ERLIN2: variants seen among roughly 807,000 people sequenced by gnomAD.
The protein encoded by ERLIN2 is ER lipid raft associated 2, also known as erlin-2.
In ERLIN2, 22 loss-of-function variants were observed where a neutral mutation model predicts 41.5. The ratio of observed to expected loss-of-function variants is 0.53; its 90% CI spans 0.38 to 0.76. The LOEUF is 0.76. Among genes scored for constraint, ERLIN2 ranks in the 30% least tolerant of loss-of-function variants. The pLI is 0.00. For missense variants in ERLIN2, 247 were observed against 414.3 expected (o/e 0.60, Z 3.51); for synonymous variants, 149 against 150.9 (o/e 0.99, Z 0.09).
intron 2 of ERLIN2, among the ~76,000 whole-genome samples, chr8:37,738,518 C>T (rs997918146): frequency 2.6e-5 from 4 of 152,186 alleles, no homozygotes; most frequent in African/African-American, 9.7e-5. Context: ...TTGGGATGCT[C>T]TTTTAAAATT....
At chr8:37,738,703 T>C (rs927323771) in intron 2 of ERLIN2, among the ~76,000 whole-genome samples, 3 of 152,080 alleles carry the variant, frequency 2.0e-5, no homozygotes, top group Admixed American at 6.6e-5. Flanking sequence ...CTGAGCAACA[T>C]AGTGAGAGCC....
rs187766017 is a variant in ERLIN2 at position 37,750,495 on chromosome 8, G to A, written c.649+9G>A. ...GAAGAAGGCGCTCATTGGTCTGAAT[G>A]TGGTTCTGTGATCCCCCTTTCCAGG... On this transcript the variant is annotated intron_variant, in intron 9 of 11. Coordinates refer to ENST00000519638, the MANE Select transcript of ERLIN2 (RefSeq NM_007175.8). The A allele has an allele frequency of 5.5e-4, 885 of 1,607,454 alleles. 8 individuals are homozygous for A. Among genetic ancestry groups the A allele is most frequent in the South Asian group, 3.6e-4 (33 of 90,926 alleles).
At position 37,756,669 on chromosome 8, in the gene ERLIN2, CAACT is replaced by C. The variant is rs1803365532; in HGVS notation, c.*2558_*2561del. 6.6e-6 allele frequency: 1 copy of C among 152,586 alleles called. No individual in the cohort carries two copies. The highest frequency in any genetic ancestry group is 1.5e-5 in the Non-Finnish European group (1 of 68,026). The allele number at this position is 152,586 out of a possible 1,614,324, so 9.5% of individuals were successfully genotyped here. On this transcript the variant is annotated 3_prime_UTR_variant, in exon 12 of 12. Coordinates refer to ENST00000519638, the MANE Select transcript of ERLIN2 (RefSeq NM_007175.8). ...AATCAGCTGTTTTATTTGCATAGGA[CAACT>C]AACCTGTCTGTGTAACTTTGTTTTT...
chr8:37,744,296 G>C, intron 4 of ERLIN2, 59 bp from the exon 5 acceptor site: 3 of 1,387,642 alleles, frequency 2.2e-6, no homozygotes, highest in Non-Finnish European at 3.1e-6. Context: ...ATCACCCTGG[G>C]GGACTGCACC....
intron 6 of ERLIN2, chr8:37,747,381 C>T: frequency 6.7e-7 from 1 of 1,491,380 alleles, no homozygotes; most frequent in Non-Finnish European, 9.4e-7. Flanking sequence ...TTTTCACTTT[C>T]TTGGCTTCCC....
rs1461154289 is a variant in ERLIN2, at chr8:37,757,398, GTGTT to G, written c.*3287_*3290del. 6.6e-6 allele frequency: 1 copy of G among 150,978 alleles called. No individual in the cohort carries two copies. The highest frequency in any genetic ancestry group is 2.4e-5 in the African/African-American group (1 of 41,078). The allele number at this position is 150,978 out of a possible 1,614,324, so 9.4% of individuals were successfully genotyped here. Reference sequence around the variant, plus strand: ...AAAACAGGTAATAACCAATCATTTTGTGTTTGTATTTCCATTCCTTTTTATTTCT... The same window carrying G: ...AAAACAGGTAATAACCAATCATTTTGTGTATTTCCATTCCTTTTTATTTCT... On this transcript the variant is annotated 3_prime_UTR_variant, in exon 12 of 12. Coordinates refer to ENST00000519638, the MANE Select transcript of ERLIN2 (RefSeq NM_007175.8).
At position 37,755,543 on chromosome 8, in the gene ERLIN2, G is replaced by A. The variant is rs1344143398; in HGVS notation, c.*1428G>A. 4 of 125,236 alleles carry A rather than the reference G, an allele frequency of 3.2e-5. No individual in the cohort carries two copies. Among genetic ancestry groups the A allele is most frequent in the Non-Finnish European group, 5.0e-5 (3 of 60,134 alleles). 7.8% of individuals were successfully genotyped at this position (125,236 alleles called of 1,614,324 possible). A position where few individuals can be genotyped will look rare whatever the true frequency, so the allele number is the denominator to read the frequency against. ...CTGGCTTAGGACTTGGCCCTGTTAT[G>A]AGCTGACCCCCACCCCCCACCCCCC... On this transcript the variant is annotated 3_prime_UTR_variant, in exon 12 of 12. Transcript: ENST00000519638.
At chr8:37,753,380 G>C in intron 10 of ERLIN2, 70 bp from the exon 11 acceptor site, 1 of 1,303,002 alleles carries the variant, frequency 7.7e-7, no homozygotes, top group Admixed American at 1.7e-5. Flanking sequence ...TCTTCCCATA[G>C]CCTCTGCACT....
chr8:37,751,194 T>C (rs1803210764), intron 9 of ERLIN2, among the ~76,000 whole-genome samples: 1 of 152,248 alleles, frequency 6.6e-6, no homozygotes, highest in African/African-American at 2.4e-5. Context: ...TAAAATACCA[T>C]GCCCAAGGGC....
At chr8:37,747,465 C>G in intron 6 of ERLIN2, 1 of 1,611,928 alleles carries the variant, frequency 6.2e-7, no homozygotes, top group Non-Finnish European at 8.5e-7. Context: ...CTTTGGCATT[C>G]TGTGCATACG....
Position 37,748,801 on chromosome 8 carries a change from C to G in ERLIN2, c.425-758C>G, listed in dbSNP as rs532763385. On this transcript the variant is annotated intron_variant, in intron 6 of 11. Coordinates refer to ENST00000519638, the MANE Select transcript of ERLIN2 (RefSeq NM_007175.8). The stretch of plus-strand genomic sequence containing the variant: ...GAAGAGGATTCTAAAACCTGAGAAG[C>G]CCATGCCAGAGAAGTCAGCTTTGGT... Among the ~76,000 whole-genome samples, 5 of 152,266 alleles carry G rather than the reference C, an allele frequency of 3.3e-5. No individual in the cohort carries two copies. In the South Asian group the frequency reaches 8.3e-4, roughly 25 times the overall value.
intron 6 of ERLIN2, among the ~76,000 whole-genome samples, chr8:37,747,156 C>A (rs1308026456): frequency 3.9e-5 from 6 of 152,096 alleles, no homozygotes; most frequent in Non-Finnish European, 8.8e-5. Context: ...AATCCATCTC[C>A]TAGAAAGCAG....
chr8:37,742,293 A>T lies in ERLIN2; in HGVS notation c.236+475A>T, dbSNP rs1802877625. ...GAGGCAGAGATTGCAGTGAGCCAAG[A>T]TCACACAATTGCACTCCAGCCTGGC... On this transcript the variant is annotated intron_variant, in intron 4 of 11. Coordinates refer to ENST00000519638, the MANE Select transcript of ERLIN2 (RefSeq NM_007175.8). Among the ~76,000 whole-genome samples, 3 of 151,588 alleles carry T rather than the reference A, an allele frequency of 2.0e-5. No homozygotes were observed. The South Asian group carries it at 6.3e-4, about 32-fold the overall frequency.
At chr8:37,745,684 G>A (rs988660129) in intron 6 of ERLIN2, 9 of 1,608,098 alleles carry the variant, frequency 5.6e-6, no homozygotes, top group Admixed American at 5.1e-5. Flanking sequence ...TAAGCAAACC[G>A]CCTTTTGCAC....
At chr8:37,737,036 G>A in intron 1 of ERLIN2, 1 of 972,604 alleles carries the variant, frequency 1.0e-6, no homozygotes, top group Non-Finnish European at 1.2e-6. Context: ...AGATGTCCGC[G>A]CCCCGGTTAC....
chr8:37,744,513 T>C (rs201754176), intron 5 of ERLIN2, 58 bp from the exon 6 acceptor site: 106 of 1,613,052 alleles, frequency 6.6e-5, no homozygotes, highest in Admixed American at 1.7e-5. Flanking sequence ...AGCTGCCGTG[T>C]CTGAGGGCAT....
At chr8:37,746,481 A>G (rs1240428912) in intron 6 of ERLIN2, 8 of 981,998 alleles carry the variant, frequency 8.1e-6, no homozygotes, top group Non-Finnish European at 9.7e-6. Flanking sequence ...GCAGTGTGAC[A>G]TAAAATAATA....
At chr8:37,745,683 C>T (rs921275824) in intron 6 of ERLIN2, 14 of 1,608,860 alleles carry the variant, frequency 8.7e-6, no homozygotes, top group Admixed American at 3.4e-5. Context: ...TTAAGCAAAC[C>T]GCCTTTTGCA....
chr8:37,737,150 G>A, intron 1 of ERLIN2: 2 of 281,914 alleles, frequency 7.1e-6, no homozygotes, highest in Non-Finnish European at 1.1e-5. Flanking sequence ...TCAGCGTTCA[G>A]GATCCCACTC....
Sources: gnomAD v4.1 joint callset for allele counts (sites outside exome capture counted in the v4.1 genomes callset) on GRCh38, gnomAD v4.1.1 for gene constraint, MANE v1.5 for transcripts, NCBI Gene and HGNC (gene_info 2026-07-23, HGNC 2026-07-21) for gene names.